The following DYSF variants were observed in gnomAD, a reference collection of about 807,000 sequenced individuals.
DYSF encodes dystrophy-associated fer-1-like 1.
DYSF carries 212 observed loss-of-function variants against 274.9 expected under a neutral mutation model. That is an observed-to-expected ratio of 0.77 (90% confidence interval 0.69 to 0.86). The LOEUF (loss-of-function observed/expected upper bound fraction) is 0.86. DYSF is among the 40% of genes least tolerant of loss of function. The probability of loss-of-function intolerance (pLI) is 0.00; values close to 1 mark genes in which losing one functional copy is unlikely to be tolerated. For missense variants in DYSF, 2,666 were observed against 2,783.2 expected, an observed-to-expected ratio of 0.96 and a Z score of 0.95; for synonymous variants, 1,091 against 1,078.7, an observed-to-expected ratio of 1.01 and a Z score of -0.22.
Position 71,520,163 on chromosome 2 carries a change from T to C in DYSF, c.1003-15T>C. On this transcript the variant is annotated splice_polypyrimidine_tract_variant and intron_variant, in intron 10 of 55. Coordinates refer to ENST00000410020, the MANE Select transcript of DYSF (RefSeq NM_001130987.2). ...CGGCAAGAGTTTGATTTGTGTCTCC[T>C]CTCATTGATTGCAGATGGACGTGGG... is the stretch of plus-strand genomic sequence containing the variant. 6.2e-7 allele frequency: 1 copy of C among 1,614,226 alleles called. No homozygotes were observed. The highest frequency in any genetic ancestry group is 8.5e-7 in the Non-Finnish European group (1 of 1,180,028).
chr2:71,559,524 C>T (rs766240793), intron 22 of DYSF, among the ~76,000 whole-genome samples: 5 of 152,178 alleles, frequency 3.3e-5, no homozygotes, highest in Non-Finnish European at 5.9e-5. Flanking sequence ...GGTGGACAGG[C>T]CTTTCTGTCC....
At chr2:71,616,792 A>G (rs2093895148) in intron 40 of DYSF, among the ~76,000 whole-genome samples, 1 of 152,212 alleles carries the variant, frequency 6.6e-6, no homozygotes, top group African/African-American at 2.4e-5. Flanking sequence ...ATTTGAATGC[A>G]CTGCACCCAA....
At chr2:71,682,761 T>G in intron 55 of DYSF, 84 bp downstream of exon 55, 7 of 1,533,628 alleles carry the variant, frequency 4.6e-6, no homozygotes, top group Non-Finnish European at 6.2e-6. Flanking sequence ...GCTCTCCCAG[T>G]CTAATGGAGA....
In DYSF at chr2:71,515,692, G is replaced by A. The variant is rs770518944; in HGVS notation, c.829G>A (p.Ala277Thr). 5 of 1,614,092 alleles carry A rather than the reference G, an allele frequency of 3.1e-6. No homozygotes were observed. Among genetic ancestry groups the A allele is most frequent in the East Asian group, 4.5e-5 (2 of 44,872 alleles). The change falls in exon 8 of 56, where the codon GCT (alanine) becomes ACT (threonine). Residue 277 changes from alanine to threonine, a missense_variant. Around this residue, in one of 3 missense-constraint regions of DYSF, gnomAD observed 794 missense variants for 777.1 expected, o/e 1.02. Coordinates refer to ENST00000410020, the MANE Select transcript of DYSF (RefSeq NM_001130987.2). ...CATCAAGCCTGTGGTCAAGGTTACC[G>A]CTGCAGGGCAGACCAAGCGGACGCG... ...VNIKPVVKVT[A>T]AGQTKRTRIH...
intron 32 of DYSF, among the ~76,000 whole-genome samples, chr2:71,591,607 A>G (rs550891500): frequency 6.6e-6 from 1 of 152,388 alleles, no homozygotes; most frequent in South Asian, 2.1e-4. Flanking sequence ...AAATGCTTGC[A>G]TTAAAATAGC....
chr2:71,682,686 GC>G lies in DYSF; in HGVS notation c.6321+11del. The G allele has an allele frequency of 6.2e-7, 1 of 1,613,018 alleles. No individual in the cohort carries two copies. ...TCATCTACGCCTTCCCGGTGAGCAG[GC>G]CTGACGACACTGTGGTGGGGGAACT... On this transcript the variant is annotated intron_variant, in intron 55 of 55. Transcript: ENST00000410020.
chr2:71,662,427 T>G (rs181662076), intron 45 of DYSF, among the ~76,000 whole-genome samples: 90 of 152,024 alleles, frequency 5.9e-4, no homozygotes, highest in African/African-American at 2.1e-3. Flanking sequence ...TGTGTATATG[T>G]GTGTATGTAT....
chr2:71,473,765 A>G (rs1457425490), intron 1 of DYSF, among the ~76,000 whole-genome samples: 1 of 152,170 alleles, frequency 6.6e-6, no homozygotes, highest in Non-Finnish European at 1.5e-5. Flanking sequence ...AGCCATTTTT[A>G]AGTATACAGT....
rs149093937 is a variant in DYSF at position 71,481,424 on chromosome 2, T to A, written c.148-455T>A. The stretch of plus-strand genomic sequence containing the variant: ...ATGGGGTCGGATGCACAGGGGAGCC[T>A]TTGCTCTGAGGAGGGTCATGGGGGC... On this transcript the variant is annotated intron_variant, in intron 2 of 55. Transcript: ENST00000410020. Among the ~76,000 whole-genome samples, 471 of 152,326 alleles carry A rather than the reference T, an allele frequency of 3.1e-3. 1 individual carries two copies. The highest frequency in any genetic ancestry group is 0.011 in the African/African-American group (449 of 41,574).
intron 3 of DYSF, among the ~76,000 whole-genome samples, chr2:71,485,713 G>A (rs1317089023): frequency 6.6e-6 from 1 of 152,186 alleles, no homozygotes; most frequent in African/African-American, 2.4e-5. Context: ...TTCCAAAAGT[G>A]TAAAAAGAAA....
intron 40 of DYSF, among the ~76,000 whole-genome samples, chr2:71,616,578 C>T (rs2093890132): frequency 6.6e-6 from 1 of 151,988 alleles, no homozygotes. Flanking sequence ...GGAATTGTGG[C>T]CTTGACTTTG....
intron 53 of DYSF, among the ~76,000 whole-genome samples, chr2:71,680,392 G>A (rs2095281120): frequency 6.6e-6 from 1 of 152,154 alleles, no homozygotes; most frequent in Non-Finnish European, 1.5e-5. Context: ...TGTGGAGGAA[G>A]AAATTTGATA....
At position 71,612,721 on chromosome 2, in the gene DYSF, G is replaced by C. The variant is rs560018212; in HGVS notation, c.4302G>C (p.Val1434=). Residue 1434 remains valine, a synonymous_variant, in exon 39 of 56, where the codon GTG becomes GTC. Transcript: ENST00000410020. ...ACCGCCAGTTTGGCCGCCGGCCTGT[G>C]GTGGGCCAGTGTACCATCCGCTCCC... The part of the protein sequence containing the change: ...IDNRQFGRRP[V]VGQCTIRSLE... 2.5e-6 allele frequency: 4 copies of C among 1,614,178 alleles called. No homozygotes were observed. The highest frequency in any genetic ancestry group is 3.3e-5 in the Admixed American group (2 of 60,026).
chr2:71,553,268 G>T (rs2091090876), intron 20 of DYSF, 80 bp downstream of exon 20: 1 of 1,597,614 alleles, frequency 6.3e-7, no homozygotes, highest in East Asian at 2.2e-5. Flanking sequence ...GCCTCCCATG[G>T]AAAGCTGCCA....
chr2:71,469,123 T>G (rs532037020), intron 1 of DYSF, among the ~76,000 whole-genome samples: 3 of 152,142 alleles, frequency 2.0e-5, no homozygotes, highest in Non-Finnish European at 4.4e-5. Context: ...ATGCAGGTTA[T>G]TTTGGAACCG....
chr2:71,598,266 A>C (rs2093454451), intron 32 of DYSF, among the ~76,000 whole-genome samples: 1 of 152,368 alleles, frequency 6.6e-6, no homozygotes, highest in Non-Finnish European at 1.5e-5. Flanking sequence ...CACTTCCCCC[A>C]GCTGGACCCT....
intron 21 of DYSF, among the ~76,000 whole-genome samples, chr2:71,554,533 T>G: frequency 1.4e-5 from 2 of 146,170 alleles, no homozygotes; most frequent in Admixed American, 6.8e-5. Flanking sequence ...TGCAAGGAGA[T>G]GGGGGGTGGG....
chr2:71,660,687 G>A, intron 45 of DYSF, 36 bp downstream of exon 45: 4 of 1,572,226 alleles, frequency 2.5e-6, no homozygotes, highest in Non-Finnish European at 3.5e-6. Context: ...GGGTGGAGGA[G>A]CCAGACAGGA....
At chr2:71,667,103 G>A (rs1248756832) in intron 47 of DYSF, among the ~76,000 whole-genome samples, 2 of 152,146 alleles carry the variant, frequency 1.3e-5, no homozygotes, top group African/African-American at 4.8e-5. Context: ...TTGTATGGTG[G>A]AAAATAGGAA....
Sources: gnomAD v4.1 joint callset for allele counts (sites outside exome capture counted in the v4.1 genomes callset) on GRCh38, gnomAD v4.1.1 for gene constraint, gnomAD v4.1.1 regional missense constraint, MANE v1.5 for transcripts, NCBI Gene and HGNC (gene_info 2026-07-23, HGNC 2026-07-21) for gene names.